RAD51B: variants seen among roughly 807,000 people sequenced by gnomAD.
RAD51B encodes RAD51 paralog B.
RAD51B carries 38 observed loss-of-function variants against 42.2 expected under a neutral mutation model. The ratio of observed to expected loss-of-function variants is 0.90; its 90% confidence interval spans 0.70 to 1.18. RAD51B has a LOEUF of 1.18. Ranked by LOEUF, RAD51B falls within the 50% of genes most tolerant of loss-of-function variation. The pLI is 0.00. For missense variants in RAD51B, 373 were observed against 400.7 expected (o/e 0.93, Z 0.59); for synonymous variants, 154 against 145.2 (o/e 1.06, Z -0.43).
intron 9 of RAD51B, among the ~76,000 whole-genome samples, chr14:68,453,024 A>G (rs556105892): frequency 1.6e-4 from 25 of 152,160 alleles, no homozygotes; most frequent in Non-Finnish European, 3.1e-4. Flanking sequence ...AAGAGGAGCT[A>G]TTTGGTACAT....
chr14:68,417,050 T>C (rs1407442201), intron 9 of RAD51B, among the ~76,000 whole-genome samples: 1 of 152,208 alleles, frequency 6.6e-6, no homozygotes, highest in African/African-American at 2.4e-5. Flanking sequence ...TATATTCATA[T>C]TCACCCAAAG....
chr14:68,459,282 G>A (rs1231921678), intron 9 of RAD51B, among the ~76,000 whole-genome samples: 3 of 152,206 alleles, frequency 2.0e-5, no homozygotes, highest in Non-Finnish European at 2.9e-5. Flanking sequence ...TCTGATGCAA[G>A]ACTAACTGGT....
At chr14:68,037,952 G>A (rs745845080) in intron 7 of RAD51B, among the ~76,000 whole-genome samples, 7 of 152,332 alleles carry the variant, frequency 4.6e-5, no homozygotes, top group Non-Finnish European at 8.8e-5. Context: ...GAAAGGGAAG[G>A]TAGTTGAATG....
At position 68,248,633 on chromosome 14, in the gene RAD51B, G is replaced by A. The variant is rs1363865310; in HGVS notation, c.757-43251G>A. 2.0e-5 allele frequency among the ~76,000 whole-genome samples: 3 copies of A among 152,088 alleles called. No individual in the cohort carries two copies. The South Asian group carries it at 6.2e-4, about 32-fold the overall frequency. The stretch of plus-strand genomic sequence containing the variant: ...CATCCTTTGTTTCTCACTACTCTGG[G>A]GAGTGGGTATCTGAATAGTGAGGCA... On this transcript the variant is annotated intron_variant, in intron 7 of 10. Coordinates refer to ENST00000471583, the MANE Select transcript of RAD51B (RefSeq NM_133510.4).
intron 8 of RAD51B, among the ~76,000 whole-genome samples, chr14:68,371,853 AAAAT>A (rs1161523815): frequency 6.6e-6 from 1 of 152,396 alleles, no homozygotes; most frequent in Non-Finnish European, 1.5e-5. Context: ...CCTGTCTCAA[AAAAT>A]AAATAAATAA....
At chr14:68,512,755 A>G (rs527481468) in intron 10 of RAD51B, among the ~76,000 whole-genome samples, 55 of 152,248 alleles carry the variant, frequency 3.6e-4, no homozygotes, top group African/African-American at 1.3e-3. Context: ...GATGACAGTA[A>G]GCAAACAAAC....
intron 11 of RAD51B, among the ~76,000 whole-genome samples, chr14:68,680,754 T>G (rs557017352): frequency 7.2e-5 from 11 of 152,304 alleles, no homozygotes; most frequent in Admixed American, 5.9e-4. Context: ...AGTGACTTAA[T>G]GATCTGTTTC....
intron 9 of RAD51B, among the ~76,000 whole-genome samples, chr14:68,463,491 T>C (rs545098709): frequency 1.3e-5 from 2 of 152,262 alleles, no homozygotes; most frequent in East Asian, 3.9e-4. Context: ...ATATAGTATA[T>C]GCTAGTATAT....
chr14:68,026,913 A>G (rs1036607827), intron 7 of RAD51B, among the ~76,000 whole-genome samples: 3 of 152,064 alleles, frequency 2.0e-5, no homozygotes, highest in Admixed American at 6.6e-5. Flanking sequence ...GTAAGACTTC[A>G]TTGTATAGTT....
chr14:68,659,326 C>T (rs938476977), intron 11 of RAD51B, among the ~76,000 whole-genome samples: 3 of 152,166 alleles, frequency 2.0e-5, no homozygotes, highest in African/African-American at 7.2e-5. Flanking sequence ...CTGGGGAAGG[C>T]GAGGATGAGG....
At chr14:68,564,173 G>T (rs74637563) in intron 10 of RAD51B, among the ~76,000 whole-genome samples, 1 of 152,170 alleles carries the variant, frequency 6.6e-6, no homozygotes, top group Non-Finnish European at 1.5e-5. Context: ...ATTTTTCTGC[G>T]CTGGATCCTT....
chr14:68,401,892 G>A lies in RAD51B; in HGVS notation c.854-9532G>A, dbSNP rs186287500. Among the ~76,000 whole-genome samples the A allele has an allele frequency of 2.7e-4, 41 of 152,220 alleles. No individual in the cohort carries two copies. In the East Asian group the frequency reaches 6.6e-3, roughly 24 times the overall value. ...TCTAAAATGGTAGCACAAATACTGCGGTTGCTTACTTAATAGATAGCGTGT... is the reference window on the plus strand; with the variant it reads ...TCTAAAATGGTAGCACAAATACTGCAGTTGCTTACTTAATAGATAGCGTGT... On this transcript the variant is annotated intron_variant, in intron 8 of 10. Transcript: ENST00000471583.
intron 11 of RAD51B, chr14:68,682,912 T>G: frequency 1.3e-5 from 3 of 225,790 alleles, no homozygotes; most frequent in Non-Finnish European, 1.6e-5. Context: ...GCTTATGGCT[T>G]TTTTTTTTTT....
intron 10 of RAD51B, among the ~76,000 whole-genome samples, chr14:68,607,107 A>T (rs920731858): frequency 2.6e-5 from 4 of 152,218 alleles, no homozygotes; most frequent in African/African-American, 9.6e-5. Flanking sequence ...CAGTGATTGC[A>T]GCAAGAGTGA....
chr14:68,240,079 C>T (rs187789973), intron 7 of RAD51B, among the ~76,000 whole-genome samples: 15 of 152,348 alleles, frequency 9.8e-5, no homozygotes, highest in Admixed American at 9.8e-4. Flanking sequence ...GCCGCAGCCT[C>T]ACTCTATCAG....
At chr14:68,282,139 G>C (rs1399760877) in intron 7 of RAD51B, among the ~76,000 whole-genome samples, 1 of 152,072 alleles carries the variant, frequency 6.6e-6, no homozygotes, top group East Asian at 1.9e-4. Context: ...GCACCACAAC[G>C]CCTGACTAAT....
At chr14:68,094,820 G>T (rs1280200915) in intron 7 of RAD51B, among the ~76,000 whole-genome samples, 4 of 152,196 alleles carry the variant, frequency 2.6e-5, no homozygotes, top group Non-Finnish European at 4.4e-5. Context: ...TATTTCAGTT[G>T]TTCTGAATCA....
At chr14:68,632,761 T>C (rs1892256980) in intron 10 of RAD51B, among the ~76,000 whole-genome samples, 2 of 151,992 alleles carry the variant, frequency 1.3e-5, no homozygotes, top group African/African-American at 2.4e-5. Flanking sequence ...CCCACCCTAC[T>C]CAGCGCAATG....
At chr14:67,826,798 G>T (rs528420076) in intron 3 of RAD51B, among the ~76,000 whole-genome samples, 4 of 151,212 alleles carry the variant, frequency 2.6e-5, no homozygotes, top group African/African-American at 9.7e-5. Context: ...TCCTCCCACC[G>T]CAGCCTCCCG....
Sources: gnomAD v4.1 joint callset for allele counts (sites outside exome capture counted in the v4.1 genomes callset) on GRCh38, gnomAD v4.1.1 for gene constraint, MANE v1.5 for transcripts, NCBI Gene and HGNC (gene_info 2026-07-23, HGNC 2026-07-21) for gene names.